Variants in EPAS1 observed in about 807,000 individuals in gnomAD.
EPAS1 encodes endothelial PAS domain-containing protein 1.
EPAS1 carries 23 observed loss-of-function variants against 87.9 expected under a neutral mutation model. The ratio of observed to expected loss-of-function variants is 0.26; its 90% CI spans 0.19 to 0.37. EPAS1 has a LOEUF of 0.37. Ranked by LOEUF, EPAS1 falls within the 10% of genes least tolerant of loss-of-function variation. EPAS1 has a pLI of 1.00. For missense variants in EPAS1, 1,138 were observed against 1,120.7 expected, an observed-to-expected ratio of 1.02 and a Z score of -0.22; for synonymous variants, 508 against 444.3, an observed-to-expected ratio of 1.14 and a Z score of -1.80.
intron 1 of EPAS1, among the ~76,000 whole-genome samples, chr2:46,336,700 T>G (rs762090375): frequency 6.6e-6 from 1 of 152,166 alleles, no homozygotes; most frequent in Non-Finnish European, 1.5e-5. Context: ...AGTCTCAAGA[T>G]CGCACGTGTT....
chr2:46,384,643 C>G lies in EPAS1; in HGVS notation c.2596C>G (p.Leu866Val). The change falls in exon 16 of 16, where the codon CTG (leucine) becomes GTG (valine). Residue 866 changes from leucine (L) to valine (V), a missense_variant. Transcript: ENST00000263734. ...GCAAGGAGGGGACCTCCTCAGAGCC[C>G]TGGACCAGGCCACCTGAGCCAGGCC... ...LLQGGDLLRALDQAT is the reference protein window; with the variant it reads ...LLQGGDLLRAVDQAT 6.2e-7 allele frequency: 1 copy of G among 1,613,830 alleles called. No homozygotes were observed. The highest frequency in any genetic ancestry group is 1.1e-5 in the South Asian group (1 of 91,074).
intron 2 of EPAS1, among the ~76,000 whole-genome samples, chr2:46,348,058 T>C (rs947663026): frequency 2.6e-5 from 4 of 152,202 alleles, no homozygotes; most frequent in African/African-American, 9.6e-5. Context: ...GAAGTGGCTA[T>C]TCTGGGAAAG....
At chr2:46,384,334 G>A (rs538923744) in intron 15 of EPAS1, 175 bp from the exon 16 acceptor site, 3 of 894,346 alleles carry the variant, frequency 3.4e-6, no homozygotes, top group African/African-American at 3.3e-5. Context: ...CTGAGGCAGT[G>A]GTTCTGGAGG....
In EPAS1 at chr2:46,361,022, C is replaced by A. The variant is rs368456528; in HGVS notation, c.711C>A (p.Ile237=). Reference sequence around the variant, plus strand: ...TCCAGCACCCATCCCACATGGACATCCCCCTGGATAGCAAGACCTTCCTGA... The same window carrying A: ...TCCAGCACCCATCCCACATGGACATACCCCTGGATAGCAAGACCTTCCTGA... ...EPIQHPSHMD[I]PLDSKTFLSR... is the part of the protein sequence containing the mutation. Residue 237 remains isoleucine, a synonymous_variant, in exon 6 of 16, where the codon ATC becomes ATA. Coordinates refer to ENST00000263734, the MANE Select transcript of EPAS1 (RefSeq NM_001430.5). 3 of 1,614,154 alleles carry A rather than the reference C, an allele frequency of 1.9e-6. No individual in the cohort carries two copies. The South Asian group carries it at 3.3e-5, about 18-fold the overall frequency.
rs1685022971 is a variant in EPAS1 at position 46,386,270 on chromosome 2, A to AAAGC, written c.*1612_*1615dup. On this transcript the variant is annotated 3_prime_UTR_variant, in exon 16 of 16. Coordinates refer to ENST00000263734, the MANE Select transcript of EPAS1 (RefSeq NM_001430.5). Reference sequence around the variant, plus strand: ...TGAAGAAGTTTCTAAAAACACACACAAAGCACATTGGGCCAACTATTTAGT... The same window carrying AAAGC: ...TGAAGAAGTTTCTAAAAACACACACAAAGCAAGCACATTGGGCCAACTATTTAGT... 6.6e-6 allele frequency: 1 copy of AAAGC among 152,612 alleles called. No homozygotes were observed. Among genetic ancestry groups the AAAGC allele is most frequent in the African/African-American group, 2.4e-5 (1 of 41,470 alleles). 9.5% of individuals were successfully genotyped at this position (152,612 alleles called of 1,614,324 possible).
Position 46,377,928 on chromosome 2 carries a change from C to T in EPAS1, c.1284C>T (p.Gly428=). Residue 428 remains glycine (G), a synonymous_variant, in exon 10 of 16, where the codon GGC becomes GGT. Coordinates refer to ENST00000263734, the MANE Select transcript of EPAS1 (RefSeq NM_001430.5). ...ACTTCGAGGAGTCCTCAGCCTATGG[C>T]AAGGCCATCCTGCCCCCGAGCCAGC... ...NQNFEESSAY[G]KAILPPSQPW... 1 of 1,554,756 alleles carries T rather than the reference C, an allele frequency of 6.4e-7. No individual in the cohort carries two copies. Among genetic ancestry groups the T allele is most frequent in the South Asian group, 1.2e-5 (1 of 84,298 alleles).
chr2:46,344,579 C>T (rs1340873530), intron 1 of EPAS1, among the ~76,000 whole-genome samples: 2 of 152,156 alleles, frequency 1.3e-5, no homozygotes, highest in Admixed American at 1.3e-4. Context: ...ACTTTTTCTC[C>T]ACAATCAGGT....
At chr2:46,349,482 G>A (rs542397833) in intron 2 of EPAS1, among the ~76,000 whole-genome samples, 28 of 152,196 alleles carry the variant, frequency 1.8e-4, no homozygotes, top group Non-Finnish European at 2.8e-4. Context: ...TCCCATCTCC[G>A]GAGCCTGTTG....
intron 1 of EPAS1, among the ~76,000 whole-genome samples, chr2:46,313,942 C>T (rs768863862): frequency 5.9e-5 from 9 of 152,170 alleles, no homozygotes; most frequent in Non-Finnish European, 1.2e-4. Context: ...AGGTCTTTGT[C>T]TTCAACGTTA....
At chr2:46,381,220 G>A in intron 12 of EPAS1, 4 of 375,588 alleles carry the variant, frequency 1.1e-5, no homozygotes, top group South Asian at 8.9e-5. Flanking sequence ...AGGCACAGGG[G>A]TTGGTACATG....
Position 46,380,869 on chromosome 2 carries a change from C to A in EPAS1, c.2045+152C>A. 1 of 1,379,542 alleles carries A rather than the reference C, an allele frequency of 7.2e-7. No homozygotes were observed. Among genetic ancestry groups the A allele is most frequent in the Non-Finnish European group, 1.0e-6 (1 of 1,002,986 alleles). The allele number at this position is 1,379,542 out of a possible 1,614,324, so 85.5% of individuals were successfully genotyped here. A position where few individuals can be genotyped will look rare whatever the true frequency, so the allele number is the denominator to read the frequency against. On this transcript the variant is annotated intron_variant, in intron 12 of 15. Transcript: ENST00000263734. The surrounding 1 kb of genome is among the most constrained non-coding windows in gnomAD (Gnocchi z 4.4). ...TCTGAGCTCAGACTTTGGGGAATCA[C>A]CTCAAGCCATGTGAGGCCTAGTGTA... is the stretch of plus-strand genomic sequence containing the variant.
At chr2:46,334,833 T>A (rs976169134) in intron 1 of EPAS1, among the ~76,000 whole-genome samples, 7 of 152,362 alleles carry the variant, frequency 4.6e-5, no homozygotes, top group African/African-American at 1.2e-4. Context: ...TGGCTTTTGA[T>A]GACTTCTTTA....
intron 1 of EPAS1, among the ~76,000 whole-genome samples, chr2:46,321,901 G>C (rs2034327): frequency 0.58 from 88,444 of 151,966 alleles, 27,841 homozygotes; most frequent in African/African-American, 0.84. Flanking sequence ...TTCAGTTCGT[G>C]CTGTGGAGCA....
intron 15 of EPAS1, among the ~76,000 whole-genome samples, chr2:46,382,974 C>G (rs1430040576): frequency 1.3e-5 from 2 of 152,096 alleles, no homozygotes; most frequent in Non-Finnish European, 2.9e-5. Context: ...GAGCAGGCGG[C>G]CACAGTGGTG....
At chr2:46,309,658 G>A (rs116119135) in intron 1 of EPAS1, among the ~76,000 whole-genome samples, 140 of 152,294 alleles carry the variant, frequency 9.2e-4, no homozygotes, top group African/African-American at 2.9e-3. Flanking sequence ...GGTGAATTGC[G>A]TAAGTAAAAT....
chr2:46,344,000 C>T (rs1345979807), intron 1 of EPAS1, among the ~76,000 whole-genome samples: 1 of 152,250 alleles, frequency 6.6e-6, no homozygotes, highest in East Asian at 1.9e-4. Flanking sequence ...TTCTAAGTGT[C>T]TGCTCACTGA....
At chr2:46,317,293 A>G (rs1275578950) in intron 1 of EPAS1, among the ~76,000 whole-genome samples, 1 of 152,184 alleles carries the variant, frequency 6.6e-6, no homozygotes, top group African/African-American at 2.4e-5. Context: ...GCCCAGATTC[A>G]TCTAGGAATC....
Position 46,360,788 on chromosome 2 carries a change from C to T in EPAS1, c.573+32C>T. 6.2e-7 allele frequency: 1 copy of T among 1,613,288 alleles called. No homozygotes were observed. The highest frequency in any genetic ancestry group is 8.5e-7 in the Non-Finnish European group (1 of 1,179,286). On this transcript the variant is annotated intron_variant, in intron 5 of 15. Transcript: ENST00000263734. This position sits in a 1 kb window ranked among gnomAD's most constrained non-coding sequence, Gnocchi z 4.5. ...CAACATCAGGCCTGGGTTGGAGTCC[C>T]AGGTGTAGGGTAACGGCGGTGCAGG...
Position 46,322,732 on chromosome 2 carries a change from T to C in EPAS1, c.27-24141T>C, listed in dbSNP as rs113842470. Among the ~76,000 whole-genome samples the C allele has an allele frequency of 3.2e-3, 491 of 152,348 alleles. 2 individuals are homozygous for C. Among genetic ancestry groups the C allele is most frequent in the African/African-American group, 0.011 (463 of 41,592 alleles). ...CAGAGCCAGAGCCCAGATTTGAAGC[T>C]GAGAGGCCTCACTCCAAAGCTTCTG... On this transcript the variant is annotated intron_variant, in intron 1 of 15. Transcript: ENST00000263734.
Sources: allele counts gnomAD v4.1 joint callset (sites outside exome capture counted in the v4.1 genomes callset), GRCh38; gene constraint gnomAD v4.1.1; non-coding constraint Gnocchi (gnomAD v3.1); transcripts MANE v1.5; gene names NCBI Gene and HGNC (gene_info 2026-07-23, HGNC 2026-07-21).